Variants in FAM200B observed in about 807,000 individuals in gnomAD.
FAM200B encodes protein FAM200B.
FAM200B carries 32 observed loss-of-function variants against 33.1 expected under a neutral mutation model. The observed-to-expected ratio is 0.97, with a 90% CI of 0.73 to 1.30. The LOEUF (loss-of-function observed/expected upper bound fraction) is 1.30, where lower values mean the gene tolerates loss of function less well. Among genes scored for constraint, FAM200B ranks in the 50% most tolerant of loss-of-function variants. FAM200B has a pLI of 0.00. For synonymous variants in FAM200B, 240 were observed against 264.8 expected (o/e 0.91, Z 0.91); for missense variants, 741 against 754.0 (o/e 0.98, Z 0.20).
At chr4:15,673,065 G>A in the FAM200B span, among the ~76,000 whole-genome samples, 72 of 152,196 alleles carry the variant, frequency 4.7e-4, no homozygotes, top group Admixed American at 3.7e-3. Flanking sequence ...CAATGCCTTC[G>A]TCTGTAATAC....
At chr4:15,672,139 G>A in the FAM200B span, among the ~76,000 whole-genome samples, 2 of 152,154 alleles carry the variant, frequency 1.3e-5, no homozygotes, top group Non-Finnish European at 2.9e-5. Flanking sequence ...ATGCTTTCAG[G>A]CCTTGCTTTA....
chr4:15,638,143 AG>A, the FAM200B span, among the ~76,000 whole-genome samples: 1 of 152,212 alleles, frequency 6.6e-6, no homozygotes, highest in Non-Finnish European at 1.5e-5. Flanking sequence ...CTCAGGAAGC[AG>A]GATGATATCG....
At chr4:15,652,522 A>C in the FAM200B span, among the ~76,000 whole-genome samples, 5 of 152,222 alleles carry the variant, frequency 3.3e-5, no homozygotes, top group African/African-American at 7.2e-5. Context: ...TCCATGGGCA[A>C]AGTATTAAAT....
At chr4:15,654,581 C>A in the FAM200B span, among the ~76,000 whole-genome samples, 1 of 152,202 alleles carries the variant, frequency 6.6e-6, no homozygotes, top group Admixed American at 6.5e-5. Flanking sequence ...AAAACGATAA[C>A]GACACATGAA....
At chr4:15,675,572 ATTTTTTT>A in the FAM200B span, among the ~76,000 whole-genome samples, 2,580 of 96,654 alleles carry the variant, frequency 0.027, 79 homozygotes, top group East Asian at 0.25. Flanking sequence ...CAAAACTCCT[ATTTTTTT>A]TTTTTTTTTT....
At chr4:15,638,554 C>T in the FAM200B span, 8 of 1,602,940 alleles carry the variant, frequency 5.0e-6, no homozygotes, top group Non-Finnish European at 6.8e-6. Flanking sequence ...ACTTCTGTCG[C>T]TCTTCAGCAT....
At chr4:15,639,661 G>A in the FAM200B span, among the ~76,000 whole-genome samples, 1 of 152,120 alleles carries the variant, frequency 6.6e-6, no homozygotes, top group Admixed American at 6.6e-5. Flanking sequence ...AAAAAACACT[G>A]GTCAGTCTAG....
chr4:15,651,777 T>G, the FAM200B span, among the ~76,000 whole-genome samples: 1 of 152,340 alleles, frequency 6.6e-6, no homozygotes, highest in Non-Finnish European at 1.5e-5. Flanking sequence ...CTGAAAAATT[T>G]GGGCACACCT....
chr4:15,639,801 C>T, the FAM200B span, among the ~76,000 whole-genome samples: 5 of 152,082 alleles, frequency 3.3e-5, no homozygotes, highest in South Asian at 2.1e-4. Context: ...AAAATACTAT[C>T]GGGGTTTCTT....
At chr4:15,640,391 C>T in the FAM200B span, among the ~76,000 whole-genome samples, 2 of 38,138 alleles carry the variant, frequency 5.2e-5, no homozygotes, top group Admixed American at 4.4e-4. Flanking sequence ...AACTACACTA[C>T]TGAAAAAAAA....
At chr4:15,670,437 T>A in the FAM200B span, among the ~76,000 whole-genome samples, 1 of 152,258 alleles carries the variant, frequency 6.6e-6, no homozygotes, top group Non-Finnish European at 1.5e-5. Context: ...AGATTCCAGC[T>A]TTAATTGGTG....
upstream of FAM200B, chr4:15,681,678 G>A (rs553348318): frequency 5.9e-5 from 9 of 152,786 alleles, no homozygotes; most frequent in Admixed American, 5.9e-4. Context: ...AAGTGGAAAA[G>A]TGGAGCCTGC....
chr4:15,683,592 A>T (rs1442932281), intron 1 of FAM200B, among the ~76,000 whole-genome samples: 1 of 152,166 alleles, frequency 6.6e-6, no homozygotes, highest in Admixed American at 6.5e-5. Context: ...TTTTTAATGT[A>T]TATTTCTTTT....
At chr4:15,648,923 T>A in the FAM200B span, among the ~76,000 whole-genome samples, 1 of 152,178 alleles carries the variant, frequency 6.6e-6, no homozygotes, top group African/African-American at 2.4e-5. Flanking sequence ...TTGATTTTGG[T>A]AATCATTATA....
the FAM200B span, among the ~76,000 whole-genome samples, chr4:15,665,616 T>C: frequency 6.6e-6 from 1 of 152,186 alleles, no homozygotes; most frequent in Admixed American, 6.5e-5. Context: ...CTCCACTGCC[T>C]AGCCTAGAGC....
In FAM200B at chr4:15,690,196, A is replaced by G. The variant is rs1187758080; in HGVS notation, c.*1245A>G. On this transcript the variant is annotated 3_prime_UTR_variant, in exon 2 of 2. Coordinates refer to ENST00000422728, the MANE Select transcript of FAM200B (RefSeq NM_001145191.2). ...ATGTTGCTTCACGTTGCTGATGCTTAAGCAATGTATATTGTGTAATATACA... is the reference window on the plus strand; with the variant it reads ...ATGTTGCTTCACGTTGCTGATGCTTGAGCAATGTATATTGTGTAATATACA... 6.0e-6 allele frequency: 1 copy of G among 167,100 alleles called. No homozygotes were observed. Among genetic ancestry groups the G allele is most frequent in the African/African-American group, 2.4e-5 (1 of 41,460 alleles). 10.4% of individuals were successfully genotyped at this position (167,100 alleles called of 1,614,324 possible). A position where few individuals can be genotyped will look rare whatever the true frequency, so the allele number is the denominator to read the frequency against.
the FAM200B span, among the ~76,000 whole-genome samples, chr4:15,657,531 T>C: frequency 1.3e-5 from 2 of 152,344 alleles, no homozygotes; most frequent in East Asian, 3.9e-4. Flanking sequence ...CCACACAGTT[T>C]CACTGTAACC....
At chr4:15,646,083 T>C in the FAM200B span, among the ~76,000 whole-genome samples, 10 of 152,294 alleles carry the variant, frequency 6.6e-5, no homozygotes, top group South Asian at 2.1e-3. Context: ...GGACAGGTAA[T>C]AAATATTTTA....
At chr4:15,675,642 C>T in the FAM200B span, among the ~76,000 whole-genome samples, 1 of 143,920 alleles carries the variant, frequency 6.9e-6, no homozygotes, top group Admixed American at 7.4e-5. Context: ...AGTGCAATGG[C>T]GCCATCTCAG....
Sources: allele counts gnomAD v4.1 joint callset (sites outside exome capture counted in the v4.1 genomes callset), GRCh38; gene constraint gnomAD v4.1.1; transcripts MANE v1.5; gene names NCBI Gene and HGNC (gene_info 2026-07-23, HGNC 2026-07-21).